CMC1: variants seen among roughly 807,000 people sequenced by gnomAD.
CMC1 encodes the protein COX assembly mitochondrial protein homolog.
CMC1 carries 14 observed loss-of-function variants against 14.1 expected under a neutral mutation model. The ratio of observed to expected loss-of-function variants is 0.99; its 90% CI spans 0.66 to 1.55. CMC1 has a LOEUF of 1.55. Among genes scored for constraint, CMC1 ranks in the 40% most tolerant of loss-of-function variants. The pLI is 0.00. For synonymous variants in CMC1, 50 were observed against 38.4 expected (o/e 1.30, Z -1.12); for missense variants, 127 against 123.8 (o/e 1.03, Z -0.12).
At chr3:28,258,502 C>G (rs1033885628) in intron 1 of CMC1, among the ~76,000 whole-genome samples, 1 of 142,618 alleles carries the variant, frequency 7.0e-6, no homozygotes, top group African/African-American at 2.6e-5. Flanking sequence ...TTTTTTTTTT[C>G]CATGTTAATA....
intron 2 of CMC1, among the ~76,000 whole-genome samples, chr3:28,311,016 C>T (rs76632298): frequency 1.1e-4 from 17 of 152,346 alleles, no homozygotes; most frequent in South Asian, 4.1e-4. Flanking sequence ...CTGTCCCGCC[C>T]GGTTCCTAAC....
chr3:28,249,326 A>G (rs975052292), intron 1 of CMC1, among the ~76,000 whole-genome samples: 3 of 152,238 alleles, frequency 2.0e-5, no homozygotes, highest in African/African-American at 7.2e-5. Context: ...TGGTGTGGTG[A>G]TTGGTACATA....
chr3:28,244,689 G>A (rs987826168), intron 1 of CMC1, among the ~76,000 whole-genome samples: 1 of 151,460 alleles, frequency 6.6e-6, no homozygotes, highest in African/African-American at 2.4e-5. Context: ...TTGCGCCACT[G>A]CACTCCAGCT....
rs976490919 is a variant in CMC1 at position 28,313,909 on chromosome 3, G to A, written c.110-2424G>A. Among the ~76,000 whole-genome samples, 6 of 152,288 alleles carry A rather than the reference G, an allele frequency of 3.9e-5. No homozygotes were observed. In the East Asian group the frequency reaches 1.2e-3, roughly 29 times the overall value. On this transcript the variant is annotated intron_variant, in intron 2 of 3. Coordinates refer to ENST00000466830, the MANE Select transcript of CMC1 (RefSeq NM_182523.2). ...CTGTGTTTTCCGGAAAAGGACTGAG[G>A]TTTGGTCAACTAGTGTGTTTTCATG...
chr3:28,243,519 A>T (rs1698646626), intron 1 of CMC1, among the ~76,000 whole-genome samples: 1 of 152,218 alleles, frequency 6.6e-6, no homozygotes, highest in Admixed American at 6.5e-5. Context: ...TCACTTGCTT[A>T]CCTTCCAGTT....
intron 2 of CMC1, among the ~76,000 whole-genome samples, chr3:28,269,734 G>A (rs1364880842): frequency 2.6e-5 from 4 of 151,998 alleles, no homozygotes; most frequent in African/African-American, 9.7e-5. Context: ...CCTCGCTAAT[G>A]TTTGTATTTT....
Position 28,253,704 on chromosome 3 carries a change from C to G in CMC1, c.20-9587C>G, listed in dbSNP as rs1190705053. On this transcript the variant is annotated intron_variant, in intron 1 of 3. Coordinates refer to ENST00000466830, the MANE Select transcript of CMC1 (RefSeq NM_182523.2). ...TGAGAACACTGTTGCAAGTTTATTA[C>G]AAGCATTTTTCATGTTTTTCCTACA... 2.4e-6 allele frequency: 3 copies of G among 1,250,834 alleles called. No individual in the cohort carries two copies. The Admixed American group carries it at 7.0e-5, about 29-fold the overall frequency. 77.5% of individuals were successfully genotyped at this position (1,250,834 alleles called of 1,614,324 possible). A position where few individuals can be genotyped will look rare whatever the true frequency, so the allele number is the denominator to read the frequency against.
At chr3:28,305,724 A>C (rs1411740008) in intron 2 of CMC1, among the ~76,000 whole-genome samples, 1 of 142,436 alleles carries the variant, frequency 7.0e-6, no homozygotes, top group Non-Finnish European at 1.5e-5. Flanking sequence ...TGCTTTTGAG[A>C]TCTTAGTCAT....
At chr3:28,262,363 A>G (rs538317370) in intron 1 of CMC1, among the ~76,000 whole-genome samples, 1 of 152,058 alleles carries the variant, frequency 6.6e-6, no homozygotes, top group South Asian at 2.1e-4. Context: ...TCTTTCCTAT[A>G]TTCTTTTAAT....
At chr3:28,252,186 A>G (rs771573803) in intron 1 of CMC1, among the ~76,000 whole-genome samples, 6 of 152,182 alleles carry the variant, frequency 3.9e-5, no homozygotes, top group Non-Finnish European at 8.8e-5. Context: ...ACACCTAGCA[A>G]TCTGCAGAAT....
intron 2 of CMC1, among the ~76,000 whole-genome samples, chr3:28,265,012 G>T (rs1389398160): frequency 6.6e-6 from 1 of 152,000 alleles, no homozygotes; most frequent in African/African-American, 2.4e-5. Flanking sequence ...ATATTTATTT[G>T]TGTTACAAAA....
chr3:28,316,433 TG>T lies in CMC1; in HGVS notation c.200+11del, dbSNP rs1364520740. 6.6e-7 allele frequency: 1 copy of T among 1,520,580 alleles called. No individual in the cohort carries two copies. The highest frequency in any genetic ancestry group is 1.9e-5 in the Admixed American group (1 of 51,442). 94.2% of individuals were successfully genotyped at this position (1,520,580 alleles called of 1,614,324 possible). On this transcript the variant is annotated intron_variant, in intron 3 of 3. Coordinates refer to ENST00000466830, the MANE Select transcript of CMC1 (RefSeq NM_182523.2). ...AATGTCTAACTGCTTAGTAAGTAGT[TG>T]TCTCAGCGTTTGTGCTTGTATGTGT...
rs1401942489 is a variant in CMC1, at chr3:28,323,317, A to G, written c.*3688A>G. The G allele has an allele frequency of 6.7e-6, 1 of 150,128 alleles. No individual in the cohort carries two copies. Among genetic ancestry groups the G allele is most frequent in the Non-Finnish European group, 1.5e-5 (1 of 66,982 alleles). 9.3% of individuals were successfully genotyped at this position (150,128 alleles called of 1,614,324 possible). ...TTATTGAATAGTGTGTAGGGTTACAATCATTTGTTTACACCCCAGAGTTTT... is the reference window on the plus strand; with the variant it reads ...TTATTGAATAGTGTGTAGGGTTACAGTCATTTGTTTACACCCCAGAGTTTT... On this transcript the variant is annotated 3_prime_UTR_variant, in exon 4 of 4. Coordinates refer to ENST00000466830, the MANE Select transcript of CMC1 (RefSeq NM_182523.2).
chr3:28,256,356 G>T (rs1295997535), intron 1 of CMC1, among the ~76,000 whole-genome samples: 1 of 152,126 alleles, frequency 6.6e-6, no homozygotes, highest in Non-Finnish European at 1.5e-5. Context: ...GCTGCAGTCA[G>T]CAAGTGTAAT....
Position 28,274,828 on chromosome 3 carries a change from C to T in CMC1, c.109+11448C>T, listed in dbSNP as rs552688274. Among the ~76,000 whole-genome samples the T allele has an allele frequency of 2.6e-5, 4 of 151,976 alleles. 1 individual carries two copies. The South Asian group carries it at 8.3e-4, about 32-fold the overall frequency. ...TTTGTTCCTTTTCATTCTTTTTTCT[C>T]TGATCTTGTCTGCCTGTCTTATTTC... On this transcript the variant is annotated intron_variant, in intron 2 of 3. Transcript: ENST00000466830.
intron 1 of CMC1, among the ~76,000 whole-genome samples, chr3:28,252,896 T>C (rs1296867296): frequency 6.6e-6 from 1 of 152,212 alleles, no homozygotes; most frequent in Non-Finnish European, 1.5e-5. Flanking sequence ...ATTGCCCTCA[T>C]CTTCAGGTTT....
intron 1 of CMC1, among the ~76,000 whole-genome samples, chr3:28,251,912 C>G (rs1699150959): frequency 6.6e-6 from 1 of 152,148 alleles, no homozygotes; most frequent in Non-Finnish European, 1.5e-5. Context: ...TGCTCCTGTC[C>G]CATAACACTG....
intron 2 of CMC1, among the ~76,000 whole-genome samples, chr3:28,305,911 C>T (rs1277412079): frequency 1.3e-5 from 2 of 148,772 alleles, no homozygotes; most frequent in African/African-American, 2.5e-5. Context: ...CATGGCTAGC[C>T]AGTTTCCCCA....
chr3:28,253,606 ACCCCCCAAAAAACT>A (rs2125437631), intron 1 of CMC1: 1 of 435,202 alleles, frequency 2.3e-6, no homozygotes, highest in South Asian at 1.9e-5. Context: ...AAACCAAAAA[ACCCCCCAAAAAACT>A]CCCCCCAAAA....
Sources: allele counts gnomAD v4.1 joint callset (sites outside exome capture counted in the v4.1 genomes callset), GRCh38; gene constraint gnomAD v4.1.1; transcripts MANE v1.5; gene names NCBI Gene and HGNC (gene_info 2026-07-23, HGNC 2026-07-21).